Variants in MAMDC2 observed in about 807,000 individuals in gnomAD.
MAMDC2 encodes MAM domain containing 2.
In MAMDC2, 57 loss-of-function variants were observed where a neutral mutation model predicts 89.8. The observed-to-expected ratio is 0.63, with a 90% confidence interval of 0.51 to 0.79. The LOEUF (loss-of-function observed/expected upper bound fraction) is 0.79, where lower values mean the gene tolerates loss of function less well. MAMDC2 is among the 30% of genes least tolerant of loss of function. MAMDC2 has a pLI of 0.00. For synonymous variants in MAMDC2, 313 were observed against 293.4 expected (o/e 1.07, Z -0.68); for missense variants, 800 against 820.6 (o/e 0.97, Z 0.31).
intron 11 of MAMDC2, among the ~76,000 whole-genome samples, chr9:70,186,140 ATTTAT>A (rs1270063658): frequency 1.3e-5 from 2 of 150,088 alleles, no homozygotes; most frequent in Non-Finnish European, 3.0e-5. Flanking sequence ...TTTGCTTTAT[ATTTAT>A]ATGTTTTTTA....
At chr9:70,057,224 T>G (rs1827043340) in intron 2 of MAMDC2, among the ~76,000 whole-genome samples, 1 of 152,202 alleles carries the variant, frequency 6.6e-6, no homozygotes, top group Non-Finnish European at 1.5e-5. Flanking sequence ...TTCTGCTAAC[T>G]GTTAGAAATC....
intron 2 of MAMDC2, among the ~76,000 whole-genome samples, chr9:70,099,838 G>A (rs928244591): frequency 3.3e-5 from 5 of 152,092 alleles, no homozygotes; most frequent in Non-Finnish European, 5.9e-5. Flanking sequence ...AGCTGGGCGT[G>A]GTGCCGGGTG....
intron 2 of MAMDC2, among the ~76,000 whole-genome samples, chr9:70,062,188 A>T (rs1169772747): frequency 1.3e-5 from 2 of 151,916 alleles, no homozygotes; most frequent in African/African-American, 4.8e-5. Flanking sequence ...GATTTTTTTT[A>T]ATTTCAAAAA....
chr9:70,104,651 C>T (rs1481791616), intron 2 of MAMDC2, among the ~76,000 whole-genome samples: 1 of 152,130 alleles, frequency 6.6e-6, no homozygotes, highest in Non-Finnish European at 1.5e-5. Flanking sequence ...ATGGATGAAC[C>T]TTGAAAATAT....
intron 12 of MAMDC2, among the ~76,000 whole-genome samples, chr9:70,219,613 GCAGT>G (rs2033519617): frequency 6.6e-6 from 1 of 152,206 alleles, no homozygotes; most frequent in Non-Finnish European, 1.5e-5. Context: ...AAGTTGCAGT[GCAGT>G]CAAAGGTGCT....
chr9:70,215,036 C>T (rs1449775949), intron 11 of MAMDC2, among the ~76,000 whole-genome samples: 1 of 152,060 alleles, frequency 6.6e-6, no homozygotes, highest in Non-Finnish European at 1.5e-5. Context: ...ATTTAAAGCC[C>T]TGAAACAAGA....
intron 9 of MAMDC2, among the ~76,000 whole-genome samples, chr9:70,161,017 G>C (rs1442974450): frequency 6.6e-6 from 1 of 152,140 alleles, no homozygotes; most frequent in Non-Finnish European, 1.5e-5. Context: ...TCAGGGATCA[G>C]GAAGGGGTGT....
intron 11 of MAMDC2, 52 bp downstream of exon 11, chr9:70,170,683 T>A (rs1445625640): frequency 2.0e-6 from 3 of 1,500,716 alleles, no homozygotes; most frequent in Non-Finnish European, 2.7e-6. Context: ...TAAAATAGCA[T>A]TCTAGGAATC....
At chr9:70,046,654 C>T (rs1355959112) in intron 2 of MAMDC2, among the ~76,000 whole-genome samples, 2 of 152,224 alleles carry the variant, frequency 1.3e-5, no homozygotes, top group African/African-American at 4.8e-5. Context: ...GTTAAACCAT[C>T]CCCCTTCAGG....
At chr9:70,074,788 A>G (rs1200888322) in intron 2 of MAMDC2, among the ~76,000 whole-genome samples, 1 of 152,250 alleles carries the variant, frequency 6.6e-6, no homozygotes, top group Non-Finnish European at 1.5e-5. Flanking sequence ...GGAAGTAATG[A>G]AAAAGCTTTA....
chr9:70,137,590 C>T (rs2031055377), intron 7 of MAMDC2, among the ~76,000 whole-genome samples: 1 of 152,086 alleles, frequency 6.6e-6, no homozygotes, highest in African/African-American at 2.4e-5. Flanking sequence ...TTCCTCAACC[C>T]ACCTGAATGT....
At chr9:70,148,873 C>G (rs2031490075) in intron 9 of MAMDC2, among the ~76,000 whole-genome samples, 1 of 149,138 alleles carries the variant, frequency 6.7e-6, no homozygotes, top group Admixed American at 6.7e-5. Flanking sequence ...ACTAAAAATA[C>G]AAAAAATTAG....
chr9:70,050,029 A>G (rs1587423977), intron 2 of MAMDC2, among the ~76,000 whole-genome samples: 1 of 152,306 alleles, frequency 6.6e-6, no homozygotes, highest in Middle Eastern at 3.4e-3. Flanking sequence ...TCTGGGTTCT[A>G]AACTCTGAAA....
chr9:70,164,141 C>T (rs10732697), intron 9 of MAMDC2, among the ~76,000 whole-genome samples: 119,102 of 151,884 alleles, frequency 0.78, 46,830 homozygotes, highest in Admixed American at 0.83. Flanking sequence ...TTGATTGTCA[C>T]GACTTGGCAG....
intron 2 of MAMDC2, among the ~76,000 whole-genome samples, chr9:70,048,040 C>A (rs1188645689): frequency 6.8e-6 from 1 of 147,958 alleles, no homozygotes; most frequent in Non-Finnish European, 1.5e-5. Context: ...GCAGTTTCCC[C>A]CAGGGAATGC....
chr9:70,058,691 C>A (rs143256363), intron 2 of MAMDC2, among the ~76,000 whole-genome samples: 2 of 152,244 alleles, frequency 1.3e-5, no homozygotes, highest in Non-Finnish European at 2.9e-5. Flanking sequence ...GCAATTGCAA[C>A]GTTCATTTAT....
chr9:70,106,076 T>C (rs931005347), intron 2 of MAMDC2: 5 of 152,230 alleles, frequency 3.3e-5, no homozygotes, highest in Admixed American at 2.0e-4. Flanking sequence ...CTGTTAGAAA[T>C]GCAGCATCAC....
intron 11 of MAMDC2, among the ~76,000 whole-genome samples, chr9:70,188,067 T>C (rs1005871552): frequency 2.6e-5 from 4 of 152,208 alleles, no homozygotes; most frequent in South Asian, 4.1e-4. Flanking sequence ...TTTTTTATTA[T>C]AGTCATCCCA....
intron 2 of MAMDC2, among the ~76,000 whole-genome samples, chr9:70,106,410 C>A (rs1356266822): frequency 6.6e-6 from 1 of 152,176 alleles, no homozygotes; most frequent in South Asian, 2.1e-4. Flanking sequence ...CACGTGATCT[C>A]CCCCAATCCA....
Sources: gnomAD v4.1 joint callset for allele counts (sites outside exome capture counted in the v4.1 genomes callset) on GRCh38, gnomAD v4.1.1 for gene constraint, MANE v1.5 for transcripts, NCBI Gene and HGNC (gene_info 2026-07-23, HGNC 2026-07-21) for gene names.